Variants in LRRC4C observed in about 807,000 individuals in gnomAD.
LRRC4C encodes leucine-rich repeat-containing protein 4C.
Under a neutral mutation model 33.6 loss-of-function variants are expected in LRRC4C, and 5 were observed. That is an observed-to-expected ratio of 0.15 (90% CI 0.08 to 0.31). The LOEUF (loss-of-function observed/expected upper bound fraction) is 0.31. LRRC4C is among the 10% of genes least tolerant of loss of function. The pLI is 1.00. For synonymous variants in LRRC4C, 329 were observed against 302.0 expected (o/e 1.09, Z -0.93); for missense variants, 560 against 796.7 (o/e 0.70, Z 3.58).
chr11:40,849,979 C>G (rs902131746), intron 2 of LRRC4C, among the ~76,000 whole-genome samples: 1 of 151,774 alleles, frequency 6.6e-6, no homozygotes, highest in Admixed American at 6.6e-5. Flanking sequence ...TCAGCTCCAT[C>G]AGGTCATTTA....
At chr11:40,350,317 C>T (rs1251751203) in intron 3 of LRRC4C, among the ~76,000 whole-genome samples, 1 of 152,036 alleles carries the variant, frequency 6.6e-6, no homozygotes, top group Non-Finnish European at 1.5e-5. Flanking sequence ...TATGGATATT[C>T]CATTTTCCCA....
intron 5 of LRRC4C, among the ~76,000 whole-genome samples, chr11:40,159,567 T>C (rs989146273): frequency 6.6e-6 from 1 of 152,176 alleles, no homozygotes; most frequent in Admixed American, 6.5e-5. Flanking sequence ...TAGAAATATA[T>C]GAAAATCCCA....
At chr11:41,362,218 G>A (rs78006682) in intron 1 of LRRC4C, among the ~76,000 whole-genome samples, 3,088 of 152,166 alleles carry the variant, frequency 0.02, 99 homozygotes, top group African/African-American at 0.07. Context: ...TTCATTACTG[G>A]TCTTCCCCAC....
chr11:41,358,634 T>C (rs921565111), intron 1 of LRRC4C, among the ~76,000 whole-genome samples: 1 of 152,146 alleles, frequency 6.6e-6, no homozygotes, highest in African/African-American at 2.4e-5. Flanking sequence ...TATGACTAGA[T>C]GACATCATAT....
intron 1 of LRRC4C, among the ~76,000 whole-genome samples, chr11:41,309,014 G>A (rs889054618): frequency 1.5e-4 from 23 of 152,188 alleles, no homozygotes; most frequent in African/African-American, 5.3e-4. Context: ...ATGTTGGTCA[G>A]GCTGGTCTCG....
intron 1 of LRRC4C, among the ~76,000 whole-genome samples, chr11:40,939,549 T>C (rs754050289): frequency 1.3e-5 from 2 of 152,076 alleles, no homozygotes; most frequent in Non-Finnish European, 2.9e-5. Context: ...GCCCGCTCGG[T>C]TTTAGGCACT....
intron 1 of LRRC4C, among the ~76,000 whole-genome samples, chr11:41,360,549 C>T (rs939702583): frequency 1.3e-5 from 2 of 151,936 alleles, no homozygotes; most frequent in African/African-American, 2.4e-5. Context: ...AGATTGGGGG[C>T]CAGGATGAAG....
At chr11:40,867,945 G>A (rs1954451179) in intron 2 of LRRC4C, among the ~76,000 whole-genome samples, 1 of 152,042 alleles carries the variant, frequency 6.6e-6, no homozygotes, top group African/African-American at 2.4e-5. Context: ...CCAGAATTTT[G>A]CATGTTTCAG....
intron 1 of LRRC4C, among the ~76,000 whole-genome samples, chr11:41,021,156 T>TGAGAGA (rs71060991): frequency 3.9e-5 from 5 of 127,156 alleles, no homozygotes; most frequent in South Asian, 2.7e-4. Context: ...ATCGTGCATC[T>TGAGAGA]GAGAGAGAGA....
chr11:40,150,463 T>A (rs183794466), intron 5 of LRRC4C, among the ~76,000 whole-genome samples: 275 of 152,358 alleles, frequency 1.8e-3, no homozygotes, highest in Middle Eastern at 3.4e-3. Context: ...TTAGACTTGT[T>A]TCTTTAAAAG....
At chr11:40,689,889 G>T (rs11036021) in intron 2 of LRRC4C, among the ~76,000 whole-genome samples, 58,051 of 151,970 alleles carry the variant, frequency 0.38, 13,432 homozygotes, top group East Asian at 0.58. Context: ...TTGATTGGGT[G>T]ATTTCTCTCC....
At position 41,000,796 on chromosome 11, in the gene LRRC4C, T is replaced by C. The variant is rs548410767; in HGVS notation, c.-495-67073A>G. Among the ~76,000 whole-genome samples the C allele has an allele frequency of 5.3e-5, 8 of 152,308 alleles. No homozygotes were observed. In the East Asian group the frequency reaches 1.5e-3, roughly 29 times the overall value. Reference sequence around the variant, plus strand: ...ATATTATATTTAAAATGGACAGTACTAATCTTGTCTATAATTTAGTAAGCC... The same window carrying C: ...ATATTATATTTAAAATGGACAGTACCAATCTTGTCTATAATTTAGTAAGCC... On this transcript the variant is annotated intron_variant, in intron 1 of 6. Coordinates refer to ENST00000528697, the MANE Select transcript of LRRC4C (RefSeq NM_001258419.2).
intron 2 of LRRC4C, among the ~76,000 whole-genome samples, chr11:40,868,865 GAATT>G (rs972930307): frequency 6.6e-6 from 1 of 152,130 alleles, no homozygotes; most frequent in Non-Finnish European, 1.5e-5. Context: ...TCTCTGTACT[GAATT>G]AAGTAAGTCA....
At chr11:40,918,856 A>G (rs936090701) in intron 2 of LRRC4C, among the ~76,000 whole-genome samples, 1 of 152,000 alleles carries the variant, frequency 6.6e-6, no homozygotes, top group Non-Finnish European at 1.5e-5. Flanking sequence ...TTGCCTTGGG[A>G]AGTTATATTC....
chr11:40,883,820 T>C (rs1049584899), intron 2 of LRRC4C, among the ~76,000 whole-genome samples: 31 of 151,854 alleles, frequency 2.0e-4, no homozygotes, highest in African/African-American at 7.0e-4. Flanking sequence ...TTATTCAAAA[T>C]GACGGATTTA....
chr11:40,743,756 T>C (rs1429530474), intron 2 of LRRC4C, among the ~76,000 whole-genome samples: 1 of 152,138 alleles, frequency 6.6e-6, no homozygotes, highest in Non-Finnish European at 1.5e-5. Flanking sequence ...TGTTTCAGTA[T>C]GAAAATATGA....
chr11:40,175,175 GT>G (rs1451988113), intron 5 of LRRC4C, among the ~76,000 whole-genome samples: 5 of 152,228 alleles, frequency 3.3e-5, no homozygotes, highest in Admixed American at 3.3e-4. Context: ...AGATTTGATT[GT>G]GTTAACCTTA....
intron 3 of LRRC4C, among the ~76,000 whole-genome samples, chr11:40,631,776 T>G (rs561092517): frequency 1.3e-5 from 2 of 152,302 alleles, no homozygotes; most frequent in Non-Finnish European, 2.9e-5. Flanking sequence ...TTTGATCATA[T>G]TTTTCTTCTA....
At chr11:40,875,834 T>C (rs1434483568) in intron 2 of LRRC4C, among the ~76,000 whole-genome samples, 3 of 152,104 alleles carry the variant, frequency 2.0e-5, no homozygotes, top group Admixed American at 6.6e-5. Flanking sequence ...TATTATCACA[T>C]TGTAATATAT....
Sources: allele counts gnomAD v4.1 joint callset (sites outside exome capture counted in the v4.1 genomes callset), GRCh38; gene constraint gnomAD v4.1.1; transcripts MANE v1.5; gene names NCBI Gene and HGNC (gene_info 2026-07-23, HGNC 2026-07-21).